The following FER variants were observed in gnomAD, a reference collection of about 807,000 sequenced individuals.
FER encodes tyrosine-protein kinase Fer.
A neutral mutation model predicts 111.0 loss-of-function variants in FER; 63 were observed. The ratio of observed to expected loss-of-function variants is 0.57; its 90% confidence interval spans 0.46 to 0.70. The LOEUF (loss-of-function observed/expected upper bound fraction) is 0.70, where lower values mean the gene tolerates loss of function less well. FER is among the 30% of genes least tolerant of loss of function. FER has a pLI of 0.00. For missense variants in FER, 914 were observed against 954.0 expected (o/e 0.96, Z 0.55); for synonymous variants, 327 against 313.9 (o/e 1.04, Z -0.44).
chr5:109,040,492 A>G (rs1247287890), intron 14 of FER, among the ~76,000 whole-genome samples: 1 of 152,178 alleles, frequency 6.6e-6, no homozygotes, highest in African/African-American at 2.4e-5. Flanking sequence ...GTGTCAGATG[A>G]TGCTGAAAAG....
intron 16 of FER, among the ~76,000 whole-genome samples, chr5:109,054,806 T>G (rs1773415817): frequency 6.6e-6 from 1 of 152,224 alleles, no homozygotes; most frequent in Non-Finnish European, 1.5e-5. Context: ...GGCATGTGGA[T>G]ATCCAGTTTT....
chr5:108,949,633 T>C (rs1757459807), intron 11 of FER, among the ~76,000 whole-genome samples: 1 of 152,128 alleles, frequency 6.6e-6, no homozygotes, highest in African/African-American at 2.4e-5. Flanking sequence ...CATGTCAGAC[T>C]GATACTAAGT....
chr5:108,975,353 C>A lies in FER; in HGVS notation c.1656+16006C>A, dbSNP rs547302351. 5.9e-5 allele frequency among the ~76,000 whole-genome samples: 9 copies of A among 152,178 alleles called. No individual in the cohort carries two copies. The South Asian group carries it at 1.9e-3, about 32-fold the overall frequency. ...CAATAGGTGCAGCGAACCACCATGA[C>A]ACATGTATACCTATGTAACAAACAT... On this transcript the variant is annotated intron_variant, in intron 13 of 19. Transcript: ENST00000281092.
rs554741702 is a variant in FER at position 108,932,249 on chromosome 5, C to G, written c.1237-13881C>G. ...ATGTGTTCTCATTGTTCAACTCCCA[C>G]TTATGAGTGAGAACATGCGGTGTTT... On this transcript the variant is annotated intron_variant, in intron 10 of 19. Transcript: ENST00000281092. Among the ~76,000 whole-genome samples, 3 of 152,254 alleles carry G rather than the reference C, an allele frequency of 2.0e-5. No individual in the cohort carries two copies. The South Asian group carries it at 6.2e-4, about 32-fold the overall frequency.
At chr5:108,790,093 A>G (rs776045072) in intron 2 of FER, among the ~76,000 whole-genome samples, 13 of 152,082 alleles carry the variant, frequency 8.5e-5, no homozygotes, top group Non-Finnish European at 1.3e-4. Flanking sequence ...TGGAAGGCCG[A>G]GGTGGGAGCA....
chr5:108,876,377 CAG>C (rs988694236), intron 8 of FER, among the ~76,000 whole-genome samples: 2 of 152,192 alleles, frequency 1.3e-5, no homozygotes, highest in African/African-American at 4.8e-5. Flanking sequence ...GCAGTTGTGA[CAG>C]AGACCATATG....
At chr5:109,060,303 AAAAC>A (rs1404575547) in intron 16 of FER, among the ~76,000 whole-genome samples, 5 of 152,224 alleles carry the variant, frequency 3.3e-5, no homozygotes, top group Non-Finnish European at 7.3e-5. Context: ...CTTCTTAAGA[AAAAC>A]AAAACAACAA....
chr5:109,079,078 T>C (rs1776692678), intron 16 of FER, among the ~76,000 whole-genome samples: 1 of 152,146 alleles, frequency 6.6e-6, no homozygotes, highest in Admixed American at 6.6e-5. Flanking sequence ...ATGGGAGACA[T>C]TTAAAGATGA....
In FER at chr5:108,922,819, T is replaced by C. The variant is rs954503515; in HGVS notation, c.1237-23311T>C. Among the ~76,000 whole-genome samples, 22 of 152,270 alleles carry C rather than the reference T, an allele frequency of 1.4e-4. 1 individual carries two copies. Among genetic ancestry groups the C allele is most frequent in the African/African-American group, 5.3e-4 (22 of 41,566 alleles). On this transcript the variant is annotated intron_variant, in intron 10 of 19. Coordinates refer to ENST00000281092, the MANE Select transcript of FER (RefSeq NM_005246.4). ...CAACACTTAAGTAGAAAAACAAAATTAATAAATTGTTAATGTATCTTTGGA... is the reference window on the plus strand; with the variant it reads ...CAACACTTAAGTAGAAAAACAAAATCAATAAATTGTTAATGTATCTTTGGA...
At chr5:108,950,860 A>G (rs1228133880) in intron 11 of FER, among the ~76,000 whole-genome samples, 1 of 152,162 alleles carries the variant, frequency 6.6e-6, no homozygotes, top group African/African-American at 2.4e-5. Context: ...CACCAGGCAC[A>G]TTCGGTAGAC....
chr5:109,148,253 A>G (rs1374148703), intron 17 of FER, among the ~76,000 whole-genome samples: 2 of 152,076 alleles, frequency 1.3e-5, no homozygotes, highest in East Asian at 3.9e-4. Context: ...CTGCACTGAA[A>G]CTGACAGTTT....
At chr5:108,972,403 A>G (rs1760777235) in intron 13 of FER, among the ~76,000 whole-genome samples, 1 of 152,118 alleles carries the variant, frequency 6.6e-6, no homozygotes, top group Admixed American at 6.5e-5. Context: ...CTGAGGCAGA[A>G]CATCTCGCAT....
At chr5:109,180,642 A>G (rs1758194999) in intron 17 of FER, 105 bp from the exon 18 acceptor site, 2 of 1,275,904 alleles carry the variant, frequency 1.6e-6, no homozygotes, top group Non-Finnish European at 2.2e-6. Flanking sequence ...TAACCTCATT[A>G]TAAATACATT....
intron 13 of FER, among the ~76,000 whole-genome samples, chr5:109,010,191 C>G (rs919403774): frequency 6.6e-6 from 1 of 151,930 alleles, no homozygotes; most frequent in African/African-American, 2.4e-5. Context: ...TTTGAGACAG[C>G]CTGTCGCCCA....
chr5:109,158,175 T>C (rs998289129), intron 17 of FER, among the ~76,000 whole-genome samples: 1 of 151,978 alleles, frequency 6.6e-6, no homozygotes, highest in Non-Finnish European at 1.5e-5. Flanking sequence ...GCCCAGGACT[T>C]AGAGACCAGC....
At position 108,835,625 on chromosome 5, in the gene FER, C is replaced by T. The variant is rs962028353; in HGVS notation, c.382-83C>T. ...GACCTGTAAGTAGTGAAATACACAT[C>T]AGTTAATACTTTGGAATTTAAGTTC... is the stretch of plus-strand genomic sequence containing the variant. On this transcript the variant is annotated intron_variant, in intron 4 of 19. Transcript: ENST00000281092. 4 of 791,388 alleles carry T rather than the reference C, an allele frequency of 5.1e-6. No individual in the cohort carries two copies. In the African/African-American group the frequency reaches 7.2e-5, roughly 14 times the overall value. The allele number at this position is 791,388 out of a possible 1,614,324, so 49.0% of individuals were successfully genotyped here.
intron 17 of FER, among the ~76,000 whole-genome samples, chr5:109,155,929 G>A (rs932149181): frequency 2.0e-5 from 3 of 151,956 alleles, no homozygotes; most frequent in African/African-American, 7.2e-5. Context: ...GACCAGATGA[G>A]GAAAGGGGTT....
At chr5:108,853,420 A>T (rs530241392) in intron 5 of FER, among the ~76,000 whole-genome samples, 11 of 152,206 alleles carry the variant, frequency 7.2e-5, no homozygotes, top group Non-Finnish European at 1.3e-4. Context: ...TAGCATATGA[A>T]ATGGTGATAA....
chr5:109,159,385 T>A (rs1755752396), intron 17 of FER, among the ~76,000 whole-genome samples: 1 of 152,176 alleles, frequency 6.6e-6, no homozygotes, highest in Admixed American at 6.5e-5. Flanking sequence ...ATTCTATGAT[T>A]ATATTTTAAT....
Sources: gnomAD v4.1 joint callset for allele counts (sites outside exome capture counted in the v4.1 genomes callset) on GRCh38, gnomAD v4.1.1 for gene constraint, MANE v1.5 for transcripts, NCBI Gene and HGNC (gene_info 2026-07-23, HGNC 2026-07-21) for gene names.